Variants in PTPRR observed in about 807,000 individuals in gnomAD.
PTPRR encodes protein tyrosine phosphatase receptor type R, also known as receptor-type tyrosine-protein phosphatase R.
In PTPRR, 38 loss-of-function variants were observed where a neutral mutation model predicts 77.2. That is an observed-to-expected ratio of 0.49 (90% CI 0.38 to 0.65). The LOEUF is 0.65. Among genes scored for constraint, PTPRR ranks in the 30% least tolerant of loss-of-function variants. PTPRR has a pLI of 0.00. For synonymous variants in PTPRR, 299 were observed against 283.1 expected (o/e 1.06, Z -0.57); for missense variants, 744 against 799.2 (o/e 0.93, Z 0.83).
At chr12:70,642,801 T>C (rs1014683602) in intron 13 of PTPRR, among the ~76,000 whole-genome samples, 2 of 152,192 alleles carry the variant, frequency 1.3e-5, no homozygotes, top group Non-Finnish European at 2.9e-5. Flanking sequence ...CAGGAACTCA[T>C]CATAATCATC....
At chr12:70,694,394 A>T (rs190370122) in intron 8 of PTPRR, among the ~76,000 whole-genome samples, 104 of 152,274 alleles carry the variant, frequency 6.8e-4, no homozygotes, top group African/African-American at 2.4e-3. Context: ...AAAGACATGG[A>T]AACAACCTAG....
chr12:70,663,373 A>G (rs1318649786), intron 10 of PTPRR, among the ~76,000 whole-genome samples: 2 of 152,226 alleles, frequency 1.3e-5, no homozygotes, highest in Non-Finnish European at 2.9e-5. Context: ...GAATCCACGA[A>G]CAAGATACTT....
rs374228124 is a variant in PTPRR at position 70,750,903 on chromosome 12, A to AC, written c.738+3287dup. 3.0e-4 allele frequency among the ~76,000 whole-genome samples: 40 copies of AC among 133,898 alleles called. No homozygotes were observed. In the East Asian group the frequency reaches 8.2e-3, roughly 27 times the overall value. The allele number at this position is 133,898 out of a possible 152,430, so 87.8% of individuals were successfully genotyped here. A position where few individuals can be genotyped will look rare whatever the true frequency, so the allele number is the denominator to read the frequency against. ...GCCATCAGCCTGGATGATTTTTTAA[A>AC]CCCTTTTTTTTTTTTTTGTAAAGAC... On this transcript the variant is annotated intron_variant, in intron 5 of 13. Coordinates refer to ENST00000283228, the MANE Select transcript of PTPRR (RefSeq NM_002849.4).
intron 6 of PTPRR, among the ~76,000 whole-genome samples, chr12:70,705,936 G>A (rs1489921449): frequency 6.6e-6 from 1 of 151,838 alleles, no homozygotes; most frequent in African/African-American, 2.4e-5. Flanking sequence ...ATCATAAAAG[G>A]TGACCTTAAA....
intron 2 of PTPRR, among the ~76,000 whole-genome samples, chr12:70,813,621 C>T (rs1891848331): frequency 6.6e-6 from 1 of 152,124 alleles, no homozygotes. Context: ...CAAAAGTTTT[C>T]AGATGTTGGA....
chr12:70,898,966 A>G (rs968983607), intron 1 of PTPRR, among the ~76,000 whole-genome samples: 14 of 151,524 alleles, frequency 9.2e-5, no homozygotes, highest in Admixed American at 9.2e-4. Context: ...AATAAATTCA[A>G]CAATTTAGAT....
intron 6 of PTPRR, among the ~76,000 whole-genome samples, chr12:70,704,713 G>A (rs1592689176): frequency 6.6e-6 from 1 of 151,788 alleles, no homozygotes; most frequent in Non-Finnish European, 1.5e-5. Flanking sequence ...TCAAAAACAA[G>A]ATAAACATAT....
At chr12:70,764,317 T>G (rs896859465) in intron 3 of PTPRR, among the ~76,000 whole-genome samples, 1 of 152,128 alleles carries the variant, frequency 6.6e-6, no homozygotes, top group African/African-American at 2.4e-5. Context: ...CGGAGTAGTG[T>G]CAGGTTGGTA....
At chr12:70,893,305 C>T (rs1210984686) in intron 1 of PTPRR, among the ~76,000 whole-genome samples, 1 of 151,922 alleles carries the variant, frequency 6.6e-6, no homozygotes, top group Non-Finnish European at 1.5e-5. Context: ...GCTTCTATTC[C>T]TGGATGTCCT....
intron 2 of PTPRR, among the ~76,000 whole-genome samples, chr12:70,792,690 T>A (rs1334554701): frequency 6.6e-6 from 1 of 152,104 alleles, no homozygotes; most frequent in Non-Finnish European, 1.5e-5. Flanking sequence ...CTGACTTCTG[T>A]TATATGAGAG....
chr12:70,878,481 C>T (rs969765509), intron 2 of PTPRR, among the ~76,000 whole-genome samples: 3 of 152,096 alleles, frequency 2.0e-5, no homozygotes, highest in Admixed American at 6.5e-5. Context: ...ATTTATGCAG[C>T]GAAAAGACAC....
At chr12:70,692,202 TTG>T (rs1888079192) in intron 8 of PTPRR, among the ~76,000 whole-genome samples, 2 of 152,208 alleles carry the variant, frequency 1.3e-5, no homozygotes, top group Non-Finnish European at 2.9e-5. Flanking sequence ...ATAATCCTAT[TTG>T]TCCGTTGGAC....
intron 2 of PTPRR, among the ~76,000 whole-genome samples, chr12:70,886,279 G>A (rs1893238248): frequency 6.6e-6 from 1 of 152,218 alleles, no homozygotes; most frequent in Non-Finnish European, 1.5e-5. Flanking sequence ...GGGGAAATCT[G>A]AGCATAAAGC....
chr12:70,827,150 T>G (rs934930639), intron 2 of PTPRR, among the ~76,000 whole-genome samples: 4 of 152,244 alleles, frequency 2.6e-5, no homozygotes, highest in African/African-American at 7.2e-5. Flanking sequence ...GCATTTATCA[T>G]GATCTATAAT....
chr12:70,808,015 A>G (rs916054765), intron 2 of PTPRR, among the ~76,000 whole-genome samples: 6 of 152,186 alleles, frequency 3.9e-5, no homozygotes, highest in Non-Finnish European at 7.4e-5. Flanking sequence ...TAAGAGAAGT[A>G]TTGCTGAATT....
chr12:70,695,671 A>G lies in PTPRR; in HGVS notation c.1279+2594T>C, dbSNP rs2136766626. Among the ~76,000 whole-genome samples the G allele has an allele frequency of 2.0e-5, 3 of 152,310 alleles. 1 individual carries two copies. In the South Asian group the frequency reaches 6.2e-4, roughly 32 times the overall value. ...TCTAAAATTAGATGATGGTTTGGGT[A>G]TATATAATTGTGATGGAGGTATATT... is the stretch of plus-strand genomic sequence containing the variant. On this transcript the variant is annotated intron_variant, in intron 8 of 13. Transcript: ENST00000283228.
At chr12:70,811,120 C>A (rs1255703981) in intron 2 of PTPRR, among the ~76,000 whole-genome samples, 1 of 152,074 alleles carries the variant, frequency 6.6e-6, no homozygotes, top group Admixed American at 6.6e-5. Flanking sequence ...AAAAGAGCAA[C>A]TTCAGAGTAA....
At chr12:70,897,429 G>C (rs562099691) in intron 1 of PTPRR, among the ~76,000 whole-genome samples, 10 of 152,004 alleles carry the variant, frequency 6.6e-5, no homozygotes, top group Admixed American at 1.3e-4. Context: ...GGCCATCAGA[G>C]AAATGCAAAT....
intron 1 of PTPRR, among the ~76,000 whole-genome samples, chr12:70,898,517 A>G (rs1278533543): frequency 1.3e-5 from 2 of 148,502 alleles, no homozygotes; most frequent in African/African-American, 4.9e-5. Flanking sequence ...TTCAATAAAT[A>G]TATATATTTT....
Sources: allele counts gnomAD v4.1 joint callset (sites outside exome capture counted in the v4.1 genomes callset), GRCh38; gene constraint gnomAD v4.1.1; transcripts MANE v1.5; gene names NCBI Gene and HGNC (gene_info 2026-07-23, HGNC 2026-07-21).